Variants in SIPA1L1 observed in about 807,000 individuals in gnomAD.
The protein encoded by SIPA1L1 is signal-induced proliferation-associated 1-like protein 1.
A neutral mutation model predicts 162.7 loss-of-function variants in SIPA1L1; 26 were observed. That is an observed-to-expected ratio of 0.16 (90% CI 0.12 to 0.22). The LOEUF is 0.22. SIPA1L1 is among the 10% of genes least tolerant of loss of function. The pLI, the probability that SIPA1L1 is intolerant of heterozygous loss-of-function variation, is 1.00. For missense variants in SIPA1L1, 1,874 were observed against 2,241.0 expected (o/e 0.84, Z 3.31); for synonymous variants, 829 against 837.4 (o/e 0.99, Z 0.17).
intron 2 of SIPA1L1, among the ~76,000 whole-genome samples, chr14:71,476,830 A>G (rs1170177872): frequency 6.6e-6 from 1 of 151,754 alleles, no homozygotes; most frequent in Non-Finnish European, 1.5e-5. Context: ...GGCGCCTGCC[A>G]CCATGCCCGG....
chr14:71,495,650 T>C (rs911164881), intron 2 of SIPA1L1, among the ~76,000 whole-genome samples: 1 of 151,692 alleles, frequency 6.6e-6, no homozygotes, highest in Non-Finnish European at 1.5e-5. Context: ...CTCTAAACTT[T>C]AACTTCTTTC....
chr14:71,726,946 C>T (rs1215726723), intron 19 of SIPA1L1, among the ~76,000 whole-genome samples: 1 of 152,082 alleles, frequency 6.6e-6, no homozygotes, highest in Non-Finnish European at 1.5e-5. Context: ...GTGTCATGGC[C>T]AGCTTTGGGC....
chr14:71,415,034 T>C (rs766570293), intron 2 of SIPA1L1, among the ~76,000 whole-genome samples: 1 of 152,210 alleles, frequency 6.6e-6, no homozygotes, highest in Non-Finnish European at 1.5e-5. Context: ...AGCCAGATGC[T>C]GAAACAAAGA....
intron 13 of SIPA1L1, among the ~76,000 whole-genome samples, chr14:71,696,149 G>T (rs1415154472): frequency 1.3e-5 from 2 of 152,266 alleles, no homozygotes; most frequent in East Asian, 3.9e-4. Context: ...ACACTACTTT[G>T]AGATCTGGCA....
chr14:71,595,344 A>T (rs1032059510), intron 5 of SIPA1L1, among the ~76,000 whole-genome samples: 6 of 152,326 alleles, frequency 3.9e-5, no homozygotes, highest in Admixed American at 3.3e-4. Context: ...ATTTGATGCC[A>T]GAAGTTGAAA....
intron 16 of SIPA1L1, among the ~76,000 whole-genome samples, chr14:71,707,146 C>T (rs61994416): frequency 0.22 from 33,415 of 151,718 alleles, 4,610 homozygotes; most frequent in Admixed American, 0.35. Context: ...CACACACACA[C>T]GCACACACAC....
At chr14:71,532,176 C>G (rs1295005073) in intron 4 of SIPA1L1, among the ~76,000 whole-genome samples, 1 of 151,942 alleles carries the variant, frequency 6.6e-6, no homozygotes, top group African/African-American at 2.4e-5. Flanking sequence ...AGATCTTACA[C>G]TTTGTGAATG....
intron 2 of SIPA1L1, among the ~76,000 whole-genome samples, chr14:71,398,161 G>C (rs1055731034): frequency 8.6e-5 from 13 of 152,012 alleles, no homozygotes; most frequent in African/African-American, 3.1e-4. Flanking sequence ...GACTACAGGC[G>C]CCTGCCACTG....
Position 71,604,679 on chromosome 14 carries a change from TA to T in SIPA1L1, c.1499-14077del, listed in dbSNP as rs555087830. On this transcript the variant is annotated intron_variant, in intron 5 of 23. Coordinates refer to ENST00000381232, the MANE Select transcript of SIPA1L1 (RefSeq NM_001386936.1). Reference sequence around the variant, plus strand: ...GCCTTGGCTGACAGGTTTATTTATTTATTTTTTTTCTTTTTTTTCCCCAGCA... The same window carrying T: ...GCCTTGGCTGACAGGTTTATTTATTTTTTTTTTTCTTTTTTTTCCCCAGCA... Among the ~76,000 whole-genome samples the T allele has an allele frequency of 1.8e-4, 27 of 152,272 alleles. No individual in the cohort carries two copies. The South Asian group carries it at 4.8e-3, about 27-fold the overall frequency.
Position 71,672,538 on chromosome 14 carries a change from A to G in SIPA1L1, c.3020A>G (p.His1007Arg). Residue 1007 changes from histidine (H) to arginine (R), a missense_variant, in exon 12 of 24, where the codon CAT becomes CGT. By Grantham distance (29) the His-to-Arg change is conservative. Around this residue, in one of 5 missense-constraint regions of SIPA1L1, gnomAD observed 936 missense variants for 1,051.9 expected, o/e 0.89. Transcript: ENST00000381232. ...ICKVAVATLSHEQMIDLLRTS... is the reference protein window; with the variant it reads ...ICKVAVATLSREQMIDLLRTS... ...AAGGTGGCGGTAGCCACTCTGAGCC[A>G]TGAGCAGATGATCGACCTCCTGAGA... is the stretch of plus-strand genomic sequence containing the variant. 6.2e-7 allele frequency: 1 copy of G among 1,614,196 alleles called. No homozygotes were observed. Among genetic ancestry groups the G allele is most frequent in the Non-Finnish European group, 8.5e-7 (1 of 1,180,038 alleles).
At chr14:71,729,147 T>C (rs1280011041) in intron 19 of SIPA1L1, among the ~76,000 whole-genome samples, 1 of 152,184 alleles carries the variant, frequency 6.6e-6, no homozygotes, top group Non-Finnish European at 1.5e-5. Flanking sequence ...GCGATTCTCC[T>C]GTCTCAGCCT....
At chr14:71,730,011 G>A (rs563409476) in intron 19 of SIPA1L1, 44 bp from the exon 20 acceptor site, 35 of 1,589,652 alleles carry the variant, frequency 2.2e-5, no homozygotes, top group Non-Finnish European at 2.7e-5. Flanking sequence ...TCAGGGATCT[G>A]AACCAGAAAA....
intron 16 of SIPA1L1, among the ~76,000 whole-genome samples, chr14:71,707,269 C>T (rs2082521039): frequency 1.3e-5 from 2 of 152,072 alleles, no homozygotes. Flanking sequence ...TTGGGAAACT[C>T]TATAAAATGT....
chr14:71,634,085 A>C (rs2040866847), intron 7 of SIPA1L1, among the ~76,000 whole-genome samples: 1 of 152,048 alleles, frequency 6.6e-6, no homozygotes. Flanking sequence ...AAAGAAGCAA[A>C]AGATAAATGA....
intron 17 of SIPA1L1, among the ~76,000 whole-genome samples, chr14:71,709,975 G>GTGAGTAATAGGGAAT (rs2082742821): frequency 6.6e-6 from 1 of 152,144 alleles, no homozygotes; most frequent in African/African-American, 2.4e-5. Flanking sequence ...TTGGCTTTCG[G>GTGAGTAATAGGGAAT]TGAGTAATAG....
chr14:71,372,880 A>AGT lies in SIPA1L1; in HGVS notation c.-465+51700_-465+51701dup, dbSNP rs1029069910. ...CAGAGGATGGAGCCTACATCTGTAG[A>AGT]GTTCCCTTGAGTGTTTTCTTAGGTA... On this transcript the variant is annotated intron_variant, in intron 2 of 23. Transcript: ENST00000381232. 1.1e-3 allele frequency among the ~76,000 whole-genome samples: 169 copies of AGT among 152,300 alleles called. 2 individuals are homozygous for AGT. The highest frequency in any genetic ancestry group is 4.0e-3 in the African/African-American group (165 of 41,534).
At chr14:71,633,500 TAGAA>T (rs2040814338) in intron 7 of SIPA1L1, among the ~76,000 whole-genome samples, 1 of 151,968 alleles carries the variant, frequency 6.6e-6, no homozygotes, top group African/African-American at 2.4e-5. Context: ...AATGAAAAAA[TAGAA>T]AGTCTTAGCA....
At chr14:71,475,437 A>G (rs2047769654) in intron 2 of SIPA1L1, among the ~76,000 whole-genome samples, 1 of 151,994 alleles carries the variant, frequency 6.6e-6, no homozygotes, top group South Asian at 2.1e-4. Flanking sequence ...CCTCTTTGTG[A>G]TGATGGTGGT....
At chr14:71,351,975 G>T (rs1220813277) in intron 2 of SIPA1L1, among the ~76,000 whole-genome samples, 1 of 150,478 alleles carries the variant, frequency 6.6e-6, no homozygotes, top group African/African-American at 2.5e-5. Flanking sequence ...AATATATCTA[G>T]TATGTGAGAT....
Sources: allele counts gnomAD v4.1 joint callset (sites outside exome capture counted in the v4.1 genomes callset), GRCh38; gene constraint gnomAD v4.1.1; regional missense constraint gnomAD v4.1.1; transcripts MANE v1.5; gene names NCBI Gene and HGNC (gene_info 2026-07-23, HGNC 2026-07-21).